CD226: variants seen among roughly 807,000 people sequenced by gnomAD.
The protein encoded by CD226 is CD226 molecule.
Under a neutral mutation model 34.9 loss-of-function variants are expected in CD226, and 24 were observed. The ratio of observed to expected loss-of-function variants is 0.69; its 90% CI spans 0.50 to 0.97. CD226 has a LOEUF of 0.97. Ranked by LOEUF, CD226 falls within the 50% of genes least tolerant of loss-of-function variation. CD226 has a pLI of 0.00. For missense variants in CD226, 397 were observed against 412.7 expected (o/e 0.96, Z 0.33); for synonymous variants, 148 against 147.4 (o/e 1.00, Z -0.03).
chr18:69,873,996 TA>T (rs1983707995), intron 3 of CD226, among the ~76,000 whole-genome samples: 1 of 152,120 alleles, frequency 6.6e-6, no homozygotes. Flanking sequence ...AGATATTTTC[TA>T]TTCAATTTGG....
chr18:69,867,697 A>G (rs1304093661), intron 4 of CD226, among the ~76,000 whole-genome samples: 1 of 152,192 alleles, frequency 6.6e-6, no homozygotes, highest in Non-Finnish European at 1.5e-5. Context: ...ATAGTGACTT[A>G]TTACATAAAT....
At chr18:69,904,337 C>A (rs1211032250) in intron 2 of CD226, among the ~76,000 whole-genome samples, 1 of 152,194 alleles carries the variant, frequency 6.6e-6, no homozygotes. Flanking sequence ...TGTCTAAGCA[C>A]TGAACAGCAA....
chr18:69,877,013 G>C (rs1056095783), intron 3 of CD226, among the ~76,000 whole-genome samples: 1 of 151,882 alleles, frequency 6.6e-6, no homozygotes, highest in Non-Finnish European at 1.5e-5. Context: ...ACAGGCACCC[G>C]CCACTACGTC....
At chr18:69,921,343 C>T (rs182380207) in intron 2 of CD226, among the ~76,000 whole-genome samples, 2 of 152,234 alleles carry the variant, frequency 1.3e-5, no homozygotes, top group Admixed American at 6.5e-5. Context: ...TCCTCAAACC[C>T]TGAAGGCCTC....
At chr18:69,885,924 C>T (rs755840557) in intron 3 of CD226, among the ~76,000 whole-genome samples, 2 of 149,576 alleles carry the variant, frequency 1.3e-5, no homozygotes, top group South Asian at 4.3e-4. Flanking sequence ...CCACGAACCA[C>T]CCCCGCTCCC....
chr18:69,911,034 A>G (rs2055318137), intron 2 of CD226, among the ~76,000 whole-genome samples: 1 of 152,246 alleles, frequency 6.6e-6, no homozygotes, highest in African/African-American at 2.4e-5. Flanking sequence ...GGCCATAAAT[A>G]GCAAACTGGG....
chr18:69,887,612 T>A (rs1028633535), intron 3 of CD226, among the ~76,000 whole-genome samples: 1 of 152,196 alleles, frequency 6.6e-6, no homozygotes, highest in African/African-American at 2.4e-5. Flanking sequence ...CTGTCCAACA[T>A]AGCTAAAGCC....
chr18:69,905,419 G>A (rs1287584793), intron 2 of CD226, among the ~76,000 whole-genome samples: 1 of 152,208 alleles, frequency 6.6e-6, no homozygotes, highest in African/African-American at 2.4e-5. Context: ...CAAGGAAGAT[G>A]TTTCCCACAG....
At chr18:69,868,778 C>G (rs1238481371) in intron 4 of CD226, among the ~76,000 whole-genome samples, 1 of 149,986 alleles carries the variant, frequency 6.7e-6, no homozygotes, top group Non-Finnish European at 1.5e-5. Context: ...CACGCACATG[C>G]ACATGCGCAC....
intron 3 of CD226, among the ~76,000 whole-genome samples, chr18:69,880,357 AAAGG>A (rs74177539): frequency 0.01 from 908 of 89,626 alleles, 7 homozygotes; most frequent in South Asian, 0.025. Context: ...AGAAAGAAAG[AAAGG>A]AAGGAAGGAA....
intron 1 of CD226, among the ~76,000 whole-genome samples, chr18:69,954,393 T>C (rs2055879431): frequency 6.6e-6 from 1 of 152,236 alleles, no homozygotes; most frequent in South Asian, 2.1e-4. Flanking sequence ...ATGTGCTTAT[T>C]AAACAAATGC....
At chr18:69,892,063 C>T (rs1412443266) in intron 3 of CD226, among the ~76,000 whole-genome samples, 1 of 152,148 alleles carries the variant, frequency 6.6e-6, no homozygotes, top group African/African-American at 2.4e-5. Context: ...TCATGTCATT[C>T]CTCAGCTCTA....
rs1186295615 is a variant in CD226 at position 69,901,232 on chromosome 18, G to A, written c.383-5187C>T. ...GAGGTATTACACAGTAACAATGTGT[G>A]GAACTTAAAAAGGAAAAATTCATAG... On this transcript the variant is annotated intron_variant, in intron 2 of 5. Transcript: ENST00000582621. 3.3e-5 allele frequency among the ~76,000 whole-genome samples: 5 copies of A among 152,214 alleles called. No individual in the cohort carries two copies. In the East Asian group the frequency reaches 9.6e-4, roughly 29 times the overall value.
chr18:69,878,547 G>A (rs1984019001), intron 3 of CD226, among the ~76,000 whole-genome samples: 1 of 152,096 alleles, frequency 6.6e-6, no homozygotes, highest in African/African-American at 2.4e-5. Context: ...GGTGGAGTTA[G>A]GGAGTGAAGA....
At chr18:69,888,585 C>T (rs1984702840) in intron 3 of CD226, among the ~76,000 whole-genome samples, 1 of 151,982 alleles carries the variant, frequency 6.6e-6, no homozygotes, top group Non-Finnish European at 1.5e-5. Flanking sequence ...AAAATCAGTA[C>T]ATTTGTCTGA....
At chr18:69,878,414 T>G (rs80089779) in intron 3 of CD226, among the ~76,000 whole-genome samples, 1 of 152,204 alleles carries the variant, frequency 6.6e-6, no homozygotes, top group Non-Finnish European at 1.5e-5. Flanking sequence ...CAAGTATTTA[T>G]GGCTGAGTTA....
chr18:69,940,479 T>C (rs1467563312), intron 2 of CD226, among the ~76,000 whole-genome samples: 1 of 152,284 alleles, frequency 6.6e-6, no homozygotes, highest in Non-Finnish European at 1.5e-5. Flanking sequence ...TGAATGACAT[T>C]GACCAAAATG....
At position 69,867,344 on chromosome 18, in the gene CD226, C is replaced by G; in HGVS notation, c.885+13G>C. On this transcript the variant is annotated intron_variant, in intron 5 of 5. Transcript: ENST00000582621. Reference sequence around the variant, plus strand: ...TTACAAAAGAAAAAAATGACAGTTCCGTATAAACTTACCTTCTGTGTATCC... The same window carrying G: ...TTACAAAAGAAAAAAATGACAGTTCGGTATAAACTTACCTTCTGTGTATCC... The G allele has an allele frequency of 6.4e-7, 1 of 1,567,762 alleles. No individual in the cohort carries two copies. Among genetic ancestry groups the G allele is most frequent in the Non-Finnish European group, 8.8e-7 (1 of 1,139,034 alleles).
intron 2 of CD226, among the ~76,000 whole-genome samples, chr18:69,945,903 G>A (rs914095293): frequency 6.6e-6 from 1 of 152,014 alleles, no homozygotes; most frequent in African/African-American, 2.4e-5. Context: ...GCTAGTGCAG[G>A]GGAACTCCTC....
Sources: allele counts gnomAD v4.1 joint callset (sites outside exome capture counted in the v4.1 genomes callset), GRCh38; gene constraint gnomAD v4.1.1; transcripts MANE v1.5; gene names NCBI Gene and HGNC (gene_info 2026-07-23, HGNC 2026-07-21).